The following TEKT3 variants were observed in gnomAD, a reference collection of about 807,000 sequenced individuals.
The protein encoded by TEKT3 is tektin 3, also known as tektin-3.
TEKT3 carries 49 observed loss-of-function variants against 49.8 expected under a neutral mutation model. The ratio of observed to expected loss-of-function variants is 0.98; its 90% confidence interval spans 0.78 to 1.25. The LOEUF (loss-of-function observed/expected upper bound fraction) is 1.25. Among genes scored for constraint, TEKT3 ranks in the 50% most tolerant of loss-of-function variants. TEKT3 has a pLI of 0.00. For missense variants in TEKT3, 595 were observed against 629.5 expected (o/e 0.95, Z 0.59); for synonymous variants, 225 against 237.2 (o/e 0.95, Z 0.47).
chr17:15,342,836 C>T (rs963611934), upstream of TEKT3, among the ~76,000 whole-genome samples: 6 of 152,208 alleles, frequency 3.9e-5, no homozygotes, highest in South Asian at 2.1e-4. Flanking sequence ...CTCCCATACC[C>T]GACACCAGGG....
chr17:15,336,613 A>T (rs1442273076), intron 2 of TEKT3, among the ~76,000 whole-genome samples: 1 of 152,216 alleles, frequency 6.6e-6, no homozygotes, highest in East Asian at 1.9e-4. Flanking sequence ...TCATTATTTA[A>T]ACTAAAAATA....
chr17:15,327,878 A>G (rs1911555506), intron 4 of TEKT3, 114 bp downstream of exon 4: 1 of 829,868 alleles, frequency 1.2e-6, no homozygotes, highest in African/African-American at 1.7e-5. Context: ...AGCATCTGAT[A>G]CGATAATGCT....
chr17:15,309,731 C>T (rs944077345), intron 7 of TEKT3, among the ~76,000 whole-genome samples: 2 of 152,176 alleles, frequency 1.3e-5, no homozygotes, highest in Non-Finnish European at 2.9e-5. Flanking sequence ...ACTGCCTTCA[C>T]TTCCCACCCA....
In TEKT3 at chr17:15,304,353, T is replaced by A. The variant is rs903442930; in HGVS notation, c.1257-201A>T. Among the ~76,000 whole-genome samples the A allele has an allele frequency of 1.3e-5, 2 of 152,190 alleles. No individual in the cohort carries two copies. The highest frequency in any genetic ancestry group is 2.9e-5 in the Non-Finnish European group (2 of 68,032). On this transcript the variant is annotated intron_variant, in intron 8 of 8. Coordinates refer to ENST00000395930, the MANE Select transcript of TEKT3 (RefSeq NM_031898.3). The surrounding 1 kb of genome is among the most constrained non-coding windows in gnomAD (Gnocchi z 4.7). ...GACAATGAACCAATGGGAATGTAGA[T>A]GTCCCAGGAGATAGAAAAGGATTTC...
At chr17:15,337,167 T>C (rs1912011042) in intron 2 of TEKT3, among the ~76,000 whole-genome samples, 1 of 152,056 alleles carries the variant, frequency 6.6e-6, no homozygotes, top group South Asian at 2.1e-4. Flanking sequence ...ATTTCTAGTA[T>C]AATAAATACA....
intron 2 of TEKT3, among the ~76,000 whole-genome samples, chr17:15,334,271 G>C (rs1193195678): frequency 6.6e-6 from 1 of 152,048 alleles, no homozygotes; most frequent in Non-Finnish European, 1.5e-5. Context: ...GCCCAGGCTG[G>C]TCTCAAACTC....
Position 15,319,074 on chromosome 17 carries a change from T to TA in TEKT3, c.734+2dup, listed in dbSNP as rs775285388. The TA allele has an allele frequency of 1.2e-6, 2 of 1,609,978 alleles. No homozygotes were observed. ...GAATTGTATAGAGACATAAAGCTCT[T>TA]ACGCAAGTTGGGCAATAGCCTTATC... On this transcript the variant is annotated splice_region_variant and intron_variant, in intron 5 of 8. Transcript: ENST00000395930.
At chr17:15,319,466 T>G (rs1911161537) in intron 4 of TEKT3, among the ~76,000 whole-genome samples, 1 of 152,040 alleles carries the variant, frequency 6.6e-6, no homozygotes, top group South Asian at 2.1e-4. Flanking sequence ...AAAAAAAAAT[T>G]CTGGTAATAT....
chr17:15,305,421 A>G (rs1910502023), intron 8 of TEKT3, among the ~76,000 whole-genome samples: 1 of 152,244 alleles, frequency 6.6e-6, no homozygotes, highest in Non-Finnish European at 1.5e-5. Context: ...TGGGGACGGT[A>G]AACACAAAAC....
upstream of TEKT3, chr17:15,341,605 A>C (rs1787760024): frequency 6.6e-6 from 1 of 152,234 alleles, no homozygotes; most frequent in Non-Finnish European, 1.5e-5. Flanking sequence ...ACTGGGGCCC[A>C]GACCAGTCTG....
At chr17:15,331,744 T>C (rs562805725) in intron 2 of TEKT3, 130 bp from the exon 3 acceptor site, 1 of 664,210 alleles carries the variant, frequency 1.5e-6, no homozygotes, top group East Asian at 2.8e-5. Context: ...CTTGTTCTCA[T>C]TTGTTATCCA....
In TEKT3 at chr17:15,331,486, T is replaced by A. The variant is rs779418061; in HGVS notation, c.100A>T (p.Arg34Trp). ...PAISTMASSY[R>W]DRFPHSNLTH... Reference sequence around the variant, plus strand: ...AAATTGGAGTGGGGAAAGCGGTCCCTGTAGCTTGAGGCCATGGTACTGATG... The same window carrying A: ...AAATTGGAGTGGGGAAAGCGGTCCCAGTAGCTTGAGGCCATGGTACTGATG... The change falls in exon 3 of 9, where the codon AGG becomes TGG. Residue 34 changes from arginine to tryptophan, a missense_variant. Coordinates refer to ENST00000395930, the MANE Select transcript of TEKT3 (RefSeq NM_031898.3). 1 of 1,614,112 alleles carries A rather than the reference T, an allele frequency of 6.2e-7. No individual in the cohort carries two copies. Among genetic ancestry groups the A allele is most frequent in the South Asian group, 1.1e-5 (1 of 91,070 alleles).
chr17:15,326,889 G>C (rs1257374656), intron 4 of TEKT3, among the ~76,000 whole-genome samples: 1 of 152,140 alleles, frequency 6.6e-6, no homozygotes, highest in Non-Finnish European at 1.5e-5. Context: ...TTGGTGGAAG[G>C]TGGAAGAGAG....
intron 2 of TEKT3, among the ~76,000 whole-genome samples, chr17:15,333,744 T>C (rs1321254842): frequency 3.3e-5 from 5 of 150,166 alleles, no homozygotes; most frequent in Non-Finnish European, 5.9e-5. Context: ...TTATTTTATT[T>C]TATTTTATTT....
rs1431992352 is a variant in TEKT3 at position 15,304,318 on chromosome 17, A to G, written c.1257-166T>C. Reference sequence around the variant, plus strand: ...ATTAATAAAATATAAAGAAATATAAAGAGAATGGTGACAATGAACCAATGG... The same window carrying G: ...ATTAATAAAATATAAAGAAATATAAGGAGAATGGTGACAATGAACCAATGG... On this transcript the variant is annotated intron_variant, in intron 8 of 8. Transcript: ENST00000395930. The surrounding 1 kb of genome is among the most constrained non-coding windows in gnomAD (Gnocchi z 4.7). Among the ~76,000 whole-genome samples the G allele has an allele frequency of 2.0e-5, 3 of 152,236 alleles. No homozygotes were observed. Among genetic ancestry groups the G allele is most frequent in the African/African-American group, 7.2e-5 (3 of 41,468 alleles).
In TEKT3 at chr17:15,323,150, G is replaced by A. The variant is rs149836393; in HGVS notation, c.664-4003C>T. Among the ~76,000 whole-genome samples, 422 of 152,304 alleles carry A rather than the reference G, an allele frequency of 2.8e-3. 4 individuals are homozygous for A. Among genetic ancestry groups the A allele is most frequent in the African/African-American group, 9.4e-3 (392 of 41,558 alleles). On this transcript the variant is annotated intron_variant, in intron 4 of 8. Coordinates refer to ENST00000395930, the MANE Select transcript of TEKT3 (RefSeq NM_031898.3). ...TCAATCCTGTCCTTAGAGGAGAACCGCCTTGGACTGGACTGGGCTGAAATG... is the reference window on the plus strand; with the variant it reads ...TCAATCCTGTCCTTAGAGGAGAACCACCTTGGACTGGACTGGGCTGAAATG...
Position 15,304,771 on chromosome 17 carries a change from C to T in TEKT3, c.1257-619G>A, listed in dbSNP as rs1910474190. 2.0e-5 allele frequency among the ~76,000 whole-genome samples: 3 copies of T among 152,264 alleles called. No homozygotes were observed. In the South Asian group the frequency reaches 6.2e-4, roughly 32 times the overall value. On this transcript the variant is annotated intron_variant, in intron 8 of 8. Coordinates refer to ENST00000395930, the MANE Select transcript of TEKT3 (RefSeq NM_031898.3). This position sits in a 1 kb window ranked among gnomAD's most constrained non-coding sequence, Gnocchi z 4.7. ...AATATGCTTGCAATTTCTCAGACCT[C>T]GAGGGCTTCACTCTTGCTGTCCCCT... is the stretch of plus-strand genomic sequence containing the variant.
Position 15,303,928 on chromosome 17 carries a change from T to C in TEKT3, c.*8A>G. ...TTAGGGGTATCAAAACCACACCCGG[T>C]GGGGTCCCTAGCAGAAGCCGACCAG... On this transcript the variant is annotated 3_prime_UTR_variant, in exon 9 of 9. Coordinates refer to ENST00000395930, the MANE Select transcript of TEKT3 (RefSeq NM_031898.3). 6.2e-7 allele frequency: 1 copy of C among 1,613,496 alleles called. No homozygotes were observed. The highest frequency in any genetic ancestry group is 1.1e-5 in the South Asian group (1 of 91,052).
intron 2 of TEKT3, among the ~76,000 whole-genome samples, chr17:15,333,464 G>A (rs917757077): frequency 6.6e-6 from 1 of 151,928 alleles, no homozygotes; most frequent in African/African-American, 2.4e-5. Flanking sequence ...TCCTTCCTAC[G>A]GCCCCCAAAC....
Sources: allele counts gnomAD v4.1 joint callset (sites outside exome capture counted in the v4.1 genomes callset), GRCh38; gene constraint gnomAD v4.1.1; non-coding constraint Gnocchi (gnomAD v3.1); transcripts MANE v1.5; gene names NCBI Gene and HGNC (gene_info 2026-07-23, HGNC 2026-07-21).